ACTR3C: variants seen among roughly 807,000 people sequenced by gnomAD.
ACTR3C encodes actin related protein 3C, also known as actin-related protein 3C.
In ACTR3C, 18 loss-of-function variants were observed where a neutral mutation model predicts 26.3. The ratio of observed to expected loss-of-function variants is 0.68; its 90% CI spans 0.47 to 1.01. The LOEUF is 1.01. Ranked by LOEUF, ACTR3C falls within the 50% of genes least tolerant of loss-of-function variation. The pLI is 0.00. For missense variants in ACTR3C, 184 were observed against 250.7 expected (o/e 0.73, Z 1.80); for synonymous variants, 55 against 94.5 (o/e 0.58, Z 2.42).
the ACTR3C span, among the ~76,000 whole-genome samples, chr7:150,208,511 C>T: frequency 3.9e-5 from 6 of 152,014 alleles, no homozygotes; most frequent in Non-Finnish European, 8.8e-5. Context: ...TCATAGAATA[C>T]GCAAAAGGGC....
the ACTR3C span, among the ~76,000 whole-genome samples, chr7:150,178,018 T>C: frequency 5.6e-4 from 84 of 150,864 alleles, 5 homozygotes; most frequent in African/African-American, 1.7e-3. Context: ...TAACATTGAT[T>C]ATGAGACACA....
the ACTR3C span, among the ~76,000 whole-genome samples, chr7:149,989,259 A>G: frequency 6.6e-6 from 1 of 152,264 alleles, no homozygotes; most frequent in African/African-American, 2.4e-5. Flanking sequence ...CAAGATAGTT[A>G]ACATATATAT....
chr7:150,195,056 T>C, the ACTR3C span, among the ~76,000 whole-genome samples: 1 of 151,402 alleles, frequency 6.6e-6, no homozygotes, highest in Non-Finnish European at 1.5e-5. Flanking sequence ...ATCGTGCCAC[T>C]AGACTCCAGC....
At chr7:150,273,392 C>T (rs538728745) in intron 6 of ACTR3C, among the ~76,000 whole-genome samples, 1 of 148,924 alleles carries the variant, frequency 6.7e-6, no homozygotes, top group Admixed American at 6.6e-5. Context: ...ATCCTCCCAC[C>T]TCAGCCTCCC....
the ACTR3C span, among the ~76,000 whole-genome samples, chr7:149,895,420 T>C: frequency 3.3e-5 from 5 of 152,182 alleles, no homozygotes; most frequent in African/African-American, 1.2e-4. Flanking sequence ...ATGATGACTA[T>C]ATGAGGTAAT....
the ACTR3C span, among the ~76,000 whole-genome samples, chr7:149,893,789 ACT>A: frequency 6.6e-6 from 1 of 152,226 alleles, no homozygotes; most frequent in African/African-American, 2.4e-5. Context: ...TGAAAGTACG[ACT>A]CTGTAGCTAT....
the ACTR3C span, among the ~76,000 whole-genome samples, chr7:150,173,317 A>C: frequency 6.8e-6 from 1 of 146,902 alleles, no homozygotes; most frequent in African/African-American, 2.7e-5. Context: ...TTGCCGGCTC[A>C]ACACCATGTG....
the ACTR3C span, among the ~76,000 whole-genome samples, chr7:149,977,317 C>T: frequency 1.3e-5 from 2 of 152,308 alleles, no homozygotes; most frequent in African/African-American, 4.8e-5. Flanking sequence ...GCCCGTGATC[C>T]AGGTAAACTG....
intron 6 of ACTR3C, among the ~76,000 whole-genome samples, chr7:150,261,344 G>T (rs202158132): frequency 0.12 from 17,335 of 149,574 alleles, 1,729 homozygotes; most frequent in African/African-American, 0.28. Context: ...TTTTCTACTT[G>T]AAGCATTAAA....
chr7:149,950,000 A>C, the ACTR3C span, among the ~76,000 whole-genome samples: 2 of 145,130 alleles, frequency 1.4e-5, no homozygotes, highest in Non-Finnish European at 1.5e-5. Flanking sequence ...ACAGGGAGGA[A>C]GTGCACCCAC....
chr7:150,170,062 C>T, the ACTR3C span, among the ~76,000 whole-genome samples: 2 of 149,080 alleles, frequency 1.3e-5, no homozygotes, highest in East Asian at 1.9e-4. Context: ...GGCTCAGAGT[C>T]TCTTGAAAGC....
the ACTR3C span, among the ~76,000 whole-genome samples, chr7:150,040,241 C>T: frequency 5.7e-4 from 84 of 147,552 alleles, no homozygotes; most frequent in African/African-American, 2.1e-3. Flanking sequence ...CTTTAGAAAC[C>T]TGTCTAGTTG....
the ACTR3C span, among the ~76,000 whole-genome samples, chr7:150,014,155 CAATT>C: frequency 3.3e-5 from 5 of 152,092 alleles, no homozygotes; most frequent in African/African-American, 1.2e-4. Flanking sequence ...TCCAACTAGT[CAATT>C]AAATGATAGG....
the ACTR3C span, among the ~76,000 whole-genome samples, chr7:150,092,620 A>G: frequency 6.7e-6 from 1 of 150,314 alleles, no homozygotes; most frequent in Non-Finnish European, 1.5e-5. Context: ...TACGGTCATT[A>G]ATAGTGGTGG....
chr7:150,003,764 C>T, the ACTR3C span, among the ~76,000 whole-genome samples: 18 of 151,142 alleles, frequency 1.2e-4, no homozygotes, highest in African/African-American at 4.1e-4. Context: ...GTATGGTGTA[C>T]AGTGTCTGTG....
At chr7:150,179,719 G>A in the ACTR3C span, among the ~76,000 whole-genome samples, 4 of 151,664 alleles carry the variant, frequency 2.6e-5, no homozygotes, top group Non-Finnish European at 5.9e-5. Flanking sequence ...TTCAATTCCT[G>A]GCCTCAAGAA....
intron 1 of ACTR3C, among the ~76,000 whole-genome samples, chr7:150,310,695 C>T (rs1174534685): frequency 1.3e-5 from 2 of 152,278 alleles, no homozygotes; most frequent in East Asian, 3.9e-4. Flanking sequence ...CAGCAACTCA[C>T]CTGGACTGTC....
At chr7:150,042,099 G>A in the ACTR3C span, among the ~76,000 whole-genome samples, 282 of 95,802 alleles carry the variant, frequency 2.9e-3, no homozygotes, top group East Asian at 8.6e-3. Flanking sequence ...TGCCTCGCGG[G>A]GGGTGCCTCC....
the ACTR3C span, among the ~76,000 whole-genome samples, chr7:150,039,513 G>A: frequency 1.2e-5 from 1 of 83,048 alleles, no homozygotes; most frequent in Admixed American, 1.3e-4. Context: ...TCTCGTGGGG[G>A]GTGCCTCCCC....
Sources: gnomAD v4.1 joint callset for allele counts (sites outside exome capture counted in the v4.1 genomes callset) on GRCh38, gnomAD v4.1.1 for gene constraint, MANE v1.5 for transcripts, NCBI Gene and HGNC (gene_info 2026-07-23, HGNC 2026-07-21) for gene names.